FNDC1: variants seen among roughly 807,000 people sequenced by gnomAD.
FNDC1 encodes the protein fibronectin type III domain-containing protein 1.
Under a neutral mutation model 168.0 loss-of-function variants are expected in FNDC1, and 96 were observed. The observed-to-expected ratio is 0.57, with a 90% CI of 0.48 to 0.68. The LOEUF (loss-of-function observed/expected upper bound fraction) is 0.68. Among genes scored for constraint, FNDC1 ranks in the 30% least tolerant of loss-of-function variants. The pLI, the probability that FNDC1 is intolerant of heterozygous loss-of-function variation, is 0.00. For synonymous variants in FNDC1, 1,099 were observed against 1,025.9 expected (o/e 1.07, Z -1.36); for missense variants, 2,587 against 2,482.1 (o/e 1.04, Z -0.90).
intron 1 of FNDC1, among the ~76,000 whole-genome samples, chr6:159,182,463 C>T (rs192649342): frequency 7.2e-5 from 11 of 152,270 alleles, no homozygotes; most frequent in African/African-American, 2.4e-4. Context: ...CTAGTAAAAG[C>T]GCTCTTTGAA....
Position 159,169,600 on chromosome 6 carries a change from GC to G in FNDC1, c.9del (p.Glu4ArgfsTer38), listed in dbSNP as rs1173709876. 2.7e-6 allele frequency: 3 copies of G among 1,111,962 alleles called. No individual in the cohort carries two copies. The highest frequency in any genetic ancestry group is 8.2e-5 in the South Asian group (2 of 24,374). 68.9% of individuals were successfully genotyped at this position (1,111,962 alleles called of 1,614,324 possible). A position where few individuals can be genotyped will look rare whatever the true frequency, so the allele number is the denominator to read the frequency against. On this transcript the variant is annotated frameshift_variant, in exon 1 of 23. Coordinates refer to ENST00000297267, the MANE Select transcript of FNDC1 (RefSeq NM_032532.3). LOFTEE classifies it high-confidence loss of function. The surrounding 1 kb of genome is among the most constrained non-coding windows in gnomAD (Gnocchi z 6.8). ...CCCGGCCCACCCCGGGCTCTCGATG[GC>G]CCCCGAGGCCGGGGCGACCCTGCGC... M[A>X]PEAGATLRAP...
chr6:159,266,234 A>G lies in FNDC1; in HGVS notation c.5435A>G (p.Asp1812Gly). The G allele has an allele frequency of 6.2e-7, 1 of 1,613,966 alleles. No homozygotes were observed. Among genetic ancestry groups the G allele is most frequent in the South Asian group, 1.1e-5 (1 of 91,082 alleles). ...NSLRYKIYLS[D>G]NLKDTFYSIG... Reference sequence around the variant, plus strand: ...CTGAGGTATAAAATCTACCTCAGTGACAACCTGAAAGGTAAGTCTTTGTGC... The same window carrying G: ...CTGAGGTATAAAATCTACCTCAGTGGCAACCTGAAAGGTAAGTCTTTGTGC... The change falls in exon 21 of 23, where the codon GAC becomes GGC. Residue 1812 changes from aspartate (D) to glycine (G), a missense_variant. Coordinates refer to ENST00000297267, the MANE Select transcript of FNDC1 (RefSeq NM_032532.3).
chr6:159,201,389 A>G (rs1216454283), intron 4 of FNDC1, among the ~76,000 whole-genome samples: 1 of 152,188 alleles, frequency 6.6e-6, no homozygotes, highest in Non-Finnish European at 1.5e-5. Context: ...AGTGCATGCT[A>G]TATGAAAAGG....
chr6:159,233,799 A>G lies in FNDC1; in HGVS notation c.3287A>G (p.His1096Arg). The G allele has an allele frequency of 6.5e-7, 1 of 1,537,542 alleles. No homozygotes were observed. The highest frequency in any genetic ancestry group is 1.2e-5 in the South Asian group (1 of 82,326). ...VEAQDVRAPA[H>R]AARAKEAAAS... ...GCCCAGGATGTGCGGGCCCCCGCGC[A>G]CGCCGCGCGCGCCAAGGAGGCAGCT... Residue 1096 changes from histidine (H) to arginine (R), a missense_variant, in exon 11 of 23, where the codon CAC becomes CGC. Physicochemically the swap from His to Arg is conservative, Grantham distance 29. Coordinates refer to ENST00000297267, the MANE Select transcript of FNDC1 (RefSeq NM_032532.3). This position sits in a 1 kb window ranked among gnomAD's most constrained non-coding sequence, Gnocchi z 4.6.
At chr6:159,238,725 T>C in intron 13 of FNDC1, 60 bp downstream of exon 13, 1 of 1,124,224 alleles carries the variant, frequency 8.9e-7, no homozygotes, top group Non-Finnish European at 1.3e-6. Context: ...GAATTACAGC[T>C]TCTATCTTCC....
intron 17 of FNDC1, among the ~76,000 whole-genome samples, chr6:159,252,694 C>T (rs938733735): frequency 3.9e-5 from 6 of 152,196 alleles, no homozygotes; most frequent in Non-Finnish European, 8.8e-5. Context: ...AGCTTGTAAT[C>T]AAACATCCAG....
Position 159,226,466 on chromosome 6 carries a change from T to C in FNDC1, c.1073-7T>C. ...TTAAAAATGTTTCTTTCCTTGTCAT[T>C]TTGTAGCCCCTACCACAGCTCCTGA... On this transcript the variant is annotated splice_polypyrimidine_tract_variant and splice_region_variant and intron_variant, in intron 8 of 22. Coordinates refer to ENST00000297267, the MANE Select transcript of FNDC1 (RefSeq NM_032532.3). 1.2e-6 allele frequency: 2 copies of C among 1,607,952 alleles called. No individual in the cohort carries two copies. The highest frequency in any genetic ancestry group is 1.7e-6 in the Non-Finnish European group (2 of 1,176,820).
chr6:159,188,374 T>A (rs976273207), intron 1 of FNDC1, among the ~76,000 whole-genome samples: 8 of 52,064 alleles, frequency 1.5e-4, no homozygotes, highest in African/African-American at 1.3e-3. Context: ...TCTTTCTTTT[T>A]TTTTTTTTTT....
chr6:159,202,122 T>C (rs1782393145), intron 4 of FNDC1, among the ~76,000 whole-genome samples: 1 of 152,192 alleles, frequency 6.6e-6, no homozygotes. Flanking sequence ...TCTGCTATAA[T>C]ACATGATGTT....
chr6:159,263,621 G>C (rs574645131), intron 19 of FNDC1, among the ~76,000 whole-genome samples: 1 of 152,188 alleles, frequency 6.6e-6, no homozygotes, highest in Non-Finnish European at 1.5e-5. Flanking sequence ...AATTAGCCAG[G>C]TGTGGTGGCG....
rs1377883410 is a variant in FNDC1, at chr6:159,261,261, C to T, written c.5246C>T (p.Thr1749Ile). Residue 1749 changes from threonine (T) to isoleucine (I), a missense_variant, in exon 19 of 23, where the codon ACC becomes ATC. Physicochemically the swap from Thr to Ile is moderately conservative, Grantham distance 89 (BLOSUM62 -1). Coordinates refer to ENST00000297267, the MANE Select transcript of FNDC1 (RefSeq NM_032532.3). Reference protein sequence around the residue: ...GPISPSVSFVTESDNPLLVVR... With the variant: ...GPISPSVSFVIESDNPLLVVR... ...ATCAGCCCTTCGGTCTCATTTGTCA[C>T]CGAATCAGGTATGAATGACTTCACA... 1 of 1,610,516 alleles carries T rather than the reference C, an allele frequency of 6.2e-7. No individual in the cohort carries two copies. Among genetic ancestry groups the T allele is most frequent in the Admixed American group, 1.7e-5 (1 of 59,736 alleles).
chr6:159,205,776 A>C (rs1438842435), intron 4 of FNDC1, among the ~76,000 whole-genome samples: 2 of 152,228 alleles, frequency 1.3e-5, no homozygotes, highest in African/African-American at 4.8e-5. Flanking sequence ...AGCAGTAGAA[A>C]ACCATTTGTC....
chr6:159,235,230 T>G (rs1783223038), intron 11 of FNDC1, among the ~76,000 whole-genome samples: 2 of 152,198 alleles, frequency 1.3e-5, no homozygotes, highest in Non-Finnish European at 2.9e-5. Context: ...TCCGAGGCAT[T>G]TACCATAAAT....
At chr6:159,245,906 G>A (rs1428044622) in intron 14 of FNDC1, among the ~76,000 whole-genome samples, 1 of 30,956 alleles carries the variant, frequency 3.2e-5, no homozygotes, top group Non-Finnish European at 8.3e-5. Flanking sequence ...CCACCACGAC[G>A]CCCGGCTAAT....
At chr6:159,192,504 C>T (rs370160) in intron 1 of FNDC1, among the ~76,000 whole-genome samples, 67,983 of 151,918 alleles carry the variant, frequency 0.45, 17,771 homozygotes, top group African/African-American at 0.72. Context: ...GGAAGCATGC[C>T]TATTTTCGTC....
chr6:159,271,551 GC>G lies in FNDC1; in HGVS notation c.*111del. On this transcript the variant is annotated 3_prime_UTR_variant, in exon 23 of 23. Transcript: ENST00000297267. ...CGTGCTCAGCCCCGCTGCCCTAGGT[GC>G]CAGGAAGGTCATAGATGGACACTGG... 1.2e-6 allele frequency: 1 copy of G among 802,958 alleles called. No homozygotes were observed. Among genetic ancestry groups the G allele is most frequent in the Non-Finnish European group, 2.1e-6 (1 of 477,762 alleles). 49.7% of individuals were successfully genotyped at this position (802,958 alleles called of 1,614,324 possible). A position where few individuals can be genotyped will look rare whatever the true frequency, so the allele number is the denominator to read the frequency against.
chr6:159,213,120 GC>G (rs1416827470), intron 4 of FNDC1, among the ~76,000 whole-genome samples: 36 of 152,346 alleles, frequency 2.4e-4, no homozygotes, highest in African/African-American at 8.7e-4. Context: ...GCCAGCCTCA[GC>G]CCTGTCCCCA....
At chr6:159,246,744 G>A (rs1777143945) in intron 14 of FNDC1, among the ~76,000 whole-genome samples, 157 bp from the exon 15 acceptor site, 1 of 152,174 alleles carries the variant, frequency 6.6e-6, no homozygotes, top group Non-Finnish European at 1.5e-5. Context: ...GTGCTTTGAT[G>A]ATTTTCCTCC....
In FNDC1 at chr6:159,225,566, G is replaced by A; in HGVS notation, c.916G>A (p.Glu306Lys). The A allele has an allele frequency of 6.2e-7, 1 of 1,613,698 alleles. No individual in the cohort carries two copies. The highest frequency in any genetic ancestry group is 8.5e-7 in the Non-Finnish European group (1 of 1,179,712). The change falls in exon 8 of 23, where the codon GAA (glutamate) becomes AAA (lysine). Residue 306 changes from glutamate to lysine, a missense_variant. Transcript: ENST00000297267. ...QYTVRYREKG[E>K]LARWDYKQIA... ...CACCGTGCGCTATCGAGAGAAGGGG[G>A]AATTGGCCAGGTGGGATTATAAGCA...
Sources: allele counts gnomAD v4.1 joint callset (sites outside exome capture counted in the v4.1 genomes callset), GRCh38; gene constraint gnomAD v4.1.1; non-coding constraint Gnocchi (gnomAD v3.1); transcripts MANE v1.5; gene names NCBI Gene and HGNC (gene_info 2026-07-23, HGNC 2026-07-21).